Variants in PIK3CD observed in about 807,000 individuals in gnomAD.
The protein encoded by PIK3CD is phosphatidylinositol-4,5-bisphosphate 3-kinase catalytic subunit delta, also known as phosphatidylinositol 4,5-bisphosphate 3-kinase catalytic subunit delta isoform.
In PIK3CD, 20 loss-of-function variants were observed where a neutral mutation model predicts 122.9. The ratio of observed to expected loss-of-function variants is 0.16; its 90% confidence interval spans 0.11 to 0.24. The LOEUF (loss-of-function observed/expected upper bound fraction) is 0.24. Ranked by LOEUF, PIK3CD falls within the 10% of genes least tolerant of loss-of-function variation. PIK3CD has a pLI of 1.00. For synonymous variants in PIK3CD, 596 were observed against 593.4 expected, an observed-to-expected ratio of 1.00 and a Z score of -0.06; for missense variants, 787 against 1,406.3, an observed-to-expected ratio of 0.56 and a Z score of 7.04.
chr1:9,716,822 G>C, intron 6 of PIK3CD, 137 bp from the exon 7 acceptor site: 1 of 1,342,946 alleles, frequency 7.4e-7, no homozygotes. Context: ...GGTGGGGCAG[G>C]AAAAACCAGC....
rs1364464134 is a variant in PIK3CD, at chr1:9,722,161, C to T, written c.2234+8C>T. On this transcript the variant is annotated splice_region_variant and intron_variant, in intron 17 of 23. Coordinates refer to ENST00000377346, the MANE Select transcript of PIK3CD (RefSeq NM_005026.5). The surrounding 1 kb of genome is among the most constrained non-coding windows in gnomAD (Gnocchi z 7.6). ...CCTGCTGGCTGAAGTCTGGTGAGCCCAAGCCCCGCCACAAGGGTTCCTCCC... is the reference window on the plus strand; with the variant it reads ...CCTGCTGGCTGAAGTCTGGTGAGCCTAAGCCCCGCCACAAGGGTTCCTCCC... 5.0e-6 allele frequency: 8 copies of T among 1,604,084 alleles called. No homozygotes were observed. The South Asian group carries it at 8.8e-5, about 18-fold the overall frequency.
At chr1:9,709,996 A>T (rs1316020006) in intron 2 of PIK3CD, among the ~76,000 whole-genome samples, 1 of 149,174 alleles carries the variant, frequency 6.7e-6, no homozygotes, top group Non-Finnish European at 1.5e-5. Context: ...ACAGAGCAAG[A>T]CTCCGGCTCA....
In PIK3CD at chr1:9,721,456, G is replaced by A. The variant is rs778839252; in HGVS notation, c.1824G>A (p.Leu608=). The A allele has an allele frequency of 5.4e-5, 87 of 1,613,520 alleles. No individual in the cohort carries two copies. The East Asian group carries it at 1.5e-3, about 27-fold the overall frequency. Residue 608 remains leucine, a synonymous_variant, in exon 15 of 24, where the codon CTG becomes CTA. Coordinates refer to ENST00000377346, the MANE Select transcript of PIK3CD (RefSeq NM_005026.5). ...TCCTTCCCTGCAGGGACGATGAGCT[G>A]TTCCAGTACCTGCTGCAGCTGGTGC... ...KSLRKLTDDE[L]FQYLLQLVQV...
chr1:9,706,831 T>C (rs1489292027), intron 2 of PIK3CD, among the ~76,000 whole-genome samples: 5 of 151,924 alleles, frequency 3.3e-5, no homozygotes, highest in Non-Finnish European at 7.4e-5. Context: ...TTCTTTTTTT[T>C]TTGAGACATG....
chr1:9,679,011 A>G (rs186787968), intron 1 of PIK3CD, among the ~76,000 whole-genome samples: 82 of 150,480 alleles, frequency 5.4e-4, no homozygotes, highest in Middle Eastern at 7.0e-3. Flanking sequence ...ATGGGGAAGC[A>G]TGCCTGCGAG....
chr1:9,705,343 GA>G lies in PIK3CD; in HGVS notation c.-32-5071del, dbSNP rs796355170. ...AATACCAAAAAAAAAAAAAAAAAAG[GA>G]AAAAAAAAAGGGTGTAGTGGCATAC... On this transcript the variant is annotated intron_variant, in intron 2 of 23. Transcript: ENST00000377346. Among the ~76,000 whole-genome samples, 94 of 137,354 alleles carry G rather than the reference GA, an allele frequency of 6.8e-4. No individual in the cohort carries two copies. The South Asian group carries it at 8.1e-3, about 12-fold the overall frequency. 90.1% of individuals were successfully genotyped at this position (137,354 alleles called of 152,430 possible).
intron 1 of PIK3CD, among the ~76,000 whole-genome samples, chr1:9,660,508 A>AG (rs1210537916): frequency 6.6e-6 from 1 of 152,178 alleles, no homozygotes; most frequent in Non-Finnish European, 1.5e-5. Flanking sequence ...TGGCAGTGTA[A>AG]GTGCCATTGA....
At position 9,710,691 on chromosome 1, in the gene PIK3CD, A is replaced by C; in HGVS notation, c.141+95A>C. The C allele has an allele frequency of 1.4e-6, 2 of 1,381,022 alleles. No homozygotes were observed. The highest frequency in any genetic ancestry group is 2.3e-5 in the East Asian group (1 of 43,710). 85.5% of individuals were successfully genotyped at this position (1,381,022 alleles called of 1,614,324 possible). ...CAGACAGACAGACAGACAGATGGAC[A>C]GGTGGACAGACGGACAGACAGATGG... On this transcript the variant is annotated intron_variant, in intron 3 of 23. Coordinates refer to ENST00000377346, the MANE Select transcript of PIK3CD (RefSeq NM_005026.5). The surrounding 1 kb of genome is among the most constrained non-coding windows in gnomAD (Gnocchi z 4.7).
chr1:9,699,059 A>G (rs1646525309), intron 2 of PIK3CD, among the ~76,000 whole-genome samples: 1 of 150,118 alleles, frequency 6.7e-6, no homozygotes. Context: ...AGCTCTGCAC[A>G]GTGATGCACA....
At chr1:9,726,518 T>C (rs151327962) in intron 23 of PIK3CD, among the ~76,000 whole-genome samples, 2 of 152,218 alleles carry the variant, frequency 1.3e-5, no homozygotes, top group African/African-American at 4.8e-5. Context: ...AAAAAATGTA[T>C]ATATACAGAT....
At chr1:9,638,682 A>G in the PIK3CD span, among the ~76,000 whole-genome samples, 1 of 137,502 alleles carries the variant, frequency 7.3e-6, no homozygotes, top group East Asian at 2.6e-4. Context: ...CAGTGAGCCG[A>G]GATTGCACCA....
At chr1:9,695,594 G>C (rs937031370) in intron 2 of PIK3CD, among the ~76,000 whole-genome samples, 1 of 151,986 alleles carries the variant, frequency 6.6e-6, no homozygotes, top group Non-Finnish European at 1.5e-5. Context: ...CTGTAATCCC[G>C]GCACTTTGGG....
At chr1:9,674,929 A>G (rs1411122645) in intron 1 of PIK3CD, among the ~76,000 whole-genome samples, 2 of 148,292 alleles carry the variant, frequency 1.3e-5, no homozygotes, top group Admixed American at 1.4e-4. Flanking sequence ...GCTACTCCAG[A>G]GGCTGAGGTG....
chr1:9,708,114 A>C (rs1646913125), intron 2 of PIK3CD, among the ~76,000 whole-genome samples: 1 of 151,896 alleles, frequency 6.6e-6, no homozygotes, highest in African/African-American at 2.4e-5. Flanking sequence ...AAATCTAAAG[A>C]ACAGCACAAT....
intron 1 of PIK3CD, among the ~76,000 whole-genome samples, chr1:9,671,457 G>A (rs949950932): frequency 2.6e-5 from 4 of 152,162 alleles, no homozygotes; most frequent in African/African-American, 9.7e-5. Flanking sequence ...AGCCTCTCAA[G>A]TAGCTGGGAC....
rs112880809 is a variant in PIK3CD, at chr1:9,723,684, G to A, written c.2595-285G>A. 1.2e-4 allele frequency among the ~76,000 whole-genome samples: 18 copies of A among 152,228 alleles called. No individual in the cohort carries two copies. Among genetic ancestry groups the A allele is most frequent in the Non-Finnish European group, 2.2e-4 (15 of 68,004 alleles). ...CCCATCTCATTCCTGGGGCCTTGGC[G>A]CCAGCTGTCTGTGATGCCTCTCTGC... On this transcript the variant is annotated intron_variant, in intron 20 of 23. Coordinates refer to ENST00000377346, the MANE Select transcript of PIK3CD (RefSeq NM_005026.5). The surrounding 1 kb of genome is among the most constrained non-coding windows in gnomAD (Gnocchi z 4.9).
chr1:9,687,971 A>G (rs1429368315), intron 1 of PIK3CD, among the ~76,000 whole-genome samples: 2 of 151,652 alleles, frequency 1.3e-5, no homozygotes, highest in Non-Finnish European at 2.9e-5. Flanking sequence ...TGCTGGGAGG[A>G]CGCAGAGGCC....
the PIK3CD span, among the ~76,000 whole-genome samples, chr1:9,643,452 AAGGG>A: frequency 9.6e-5 from 10 of 104,064 alleles, no homozygotes; most frequent in South Asian, 4.1e-4. Flanking sequence ...GGAAGGAAGG[AAGGG>A]AGGGAGGGAG....
At chr1:9,716,711 T>A in intron 6 of PIK3CD, 92 bp downstream of exon 6, 1 of 1,379,590 alleles carries the variant, frequency 7.2e-7, no homozygotes, top group East Asian at 2.5e-5. Flanking sequence ...GGGCGCACCT[T>A]GAGCCTGCCG....
Sources: allele counts gnomAD v4.1 joint callset (sites outside exome capture counted in the v4.1 genomes callset), GRCh38; gene constraint gnomAD v4.1.1; non-coding constraint Gnocchi (gnomAD v3.1); transcripts MANE v1.5; gene names NCBI Gene and HGNC (gene_info 2026-07-23, HGNC 2026-07-21).